RAB8B: variants seen among roughly 807,000 people sequenced by gnomAD.
RAB8B encodes the protein ras-related protein Rab-8B.
In RAB8B, 11 loss-of-function variants were observed where a neutral mutation model predicts 32.0. The observed-to-expected ratio is 0.34, with a 90% CI of 0.22 to 0.57. RAB8B has a LOEUF of 0.57. RAB8B is among the 20% of genes least tolerant of loss of function. The pLI, the probability that RAB8B is intolerant of heterozygous loss-of-function variation, is 0.86. For missense variants in RAB8B, 190 were observed against 258.5 expected, an observed-to-expected ratio of 0.73 and a Z score of 1.82; for synonymous variants, 103 against 89.6, an observed-to-expected ratio of 1.15 and a Z score of -0.85.
At chr15:63,204,299 C>T (rs376614113) in intron 1 of RAB8B, among the ~76,000 whole-genome samples, 6 of 152,110 alleles carry the variant, frequency 3.9e-5, no homozygotes, top group East Asian at 1.9e-4. Flanking sequence ...GGTGATTATC[C>T]CCTACATCAG....
chr15:63,210,790 T>C (rs142236405), intron 1 of RAB8B, among the ~76,000 whole-genome samples: 2 of 152,316 alleles, frequency 1.3e-5, no homozygotes, highest in African/African-American at 2.4e-5. Flanking sequence ...GCCTTTTTTT[T>C]ACTAGGCTGT....
At chr15:63,196,543 A>G (rs1351477317) in intron 1 of RAB8B, among the ~76,000 whole-genome samples, 1 of 152,202 alleles carries the variant, frequency 6.6e-6, no homozygotes, top group African/African-American at 2.4e-5. Context: ...TGAGCTCCTT[A>G]AGGCAAAAAT....
intron 5 of RAB8B, among the ~76,000 whole-genome samples, chr15:63,256,836 C>CA (rs1385141704): frequency 6.6e-6 from 1 of 152,194 alleles, no homozygotes; most frequent in African/African-American, 2.4e-5. Flanking sequence ...CTGGGAGATA[C>CA]AAATTGGTCC....
At chr15:63,247,979 T>C (rs2038084607) in intron 2 of RAB8B, among the ~76,000 whole-genome samples, 1 of 152,216 alleles carries the variant, frequency 6.6e-6, no homozygotes, top group South Asian at 2.1e-4. Context: ...ATGCCAAATA[T>C]TTTACAGATT....
At chr15:63,227,202 A>G (rs1282726827) in intron 1 of RAB8B, among the ~76,000 whole-genome samples, 2 of 152,108 alleles carry the variant, frequency 1.3e-5, no homozygotes, top group African/African-American at 4.8e-5. Context: ...GCCTTATTTT[A>G]CCCAGCTCCT....
intron 1 of RAB8B, 32 bp downstream of exon 1, chr15:63,189,780 A>G (rs1198102039): frequency 6.7e-6 from 5 of 743,682 alleles, no homozygotes; most frequent in South Asian, 5.8e-5. Flanking sequence ...GGGACCGGGT[A>G]GAGAATTGGG....
chr15:63,229,047 G>A (rs888597208), intron 1 of RAB8B, among the ~76,000 whole-genome samples: 2 of 152,062 alleles, frequency 1.3e-5, no homozygotes, highest in South Asian at 2.1e-4. Context: ...ATTTTGCCAC[G>A]TTTATAACAT....
At chr15:63,253,987 A>G (rs903055319) in intron 3 of RAB8B, among the ~76,000 whole-genome samples, 5 of 152,186 alleles carry the variant, frequency 3.3e-5, no homozygotes, top group East Asian at 1.9e-4. Context: ...GGGGATATCT[A>G]TTGGCCAATG....
intron 5 of RAB8B, among the ~76,000 whole-genome samples, chr15:63,258,246 C>T (rs534874564): frequency 2.6e-5 from 4 of 151,990 alleles, no homozygotes; most frequent in African/African-American, 7.2e-5. Context: ...GGATTATAGA[C>T]GTCTGCCACC....
chr15:63,237,703 T>C (rs1361838191), intron 1 of RAB8B, among the ~76,000 whole-genome samples: 1 of 152,162 alleles, frequency 6.6e-6, no homozygotes, highest in Non-Finnish European at 1.5e-5. Context: ...CTTTGCTCAT[T>C]GTTTCCTTTG....
intron 2 of RAB8B, 93 bp downstream of exon 2, chr15:63,244,909 T>C (rs2038059431): frequency 9.5e-7 from 1 of 1,051,352 alleles, no homozygotes; most frequent in African/African-American, 1.6e-5. Flanking sequence ...CATCTTGTGA[T>C]AGCTAAAACA....
At chr15:63,200,577 C>G (rs71393136) in intron 1 of RAB8B, among the ~76,000 whole-genome samples, 9,641 of 149,818 alleles carry the variant, frequency 0.064, 430 homozygotes, top group Middle Eastern at 0.14. Context: ...CCCTTGTACC[C>G]AGGAGTTCAA....
intron 2 of RAB8B, 92 bp downstream of exon 2, chr15:63,244,908 A>G: frequency 9.3e-7 from 1 of 1,079,538 alleles, no homozygotes; most frequent in Non-Finnish European, 1.4e-6. Context: ...GCATCTTGTG[A>G]TAGCTAAAAC....
chr15:63,197,682 C>A (rs917501142), intron 1 of RAB8B, among the ~76,000 whole-genome samples: 13 of 152,030 alleles, frequency 8.6e-5, no homozygotes, highest in African/African-American at 2.7e-4. Flanking sequence ...AAATGGCTTT[C>A]TTTAAAGACC....
At position 63,265,055 on chromosome 15, in the gene RAB8B, G is replaced by A. The variant is rs1037423920; in HGVS notation, c.*1436G>A. The A allele has an allele frequency of 1.3e-5, 2 of 152,604 alleles. No individual in the cohort carries two copies. The highest frequency in any genetic ancestry group is 1.5e-5 in the Non-Finnish European group (1 of 68,028). 9.5% of individuals were successfully genotyped at this position (152,604 alleles called of 1,614,324 possible). ...TATGTCGTTGTTGCTCTAGCCTTCA[G>A]TGTCATAACACAGGGGGGATAAAAC... On this transcript the variant is annotated 3_prime_UTR_variant, in exon 8 of 8. Transcript: ENST00000321437. The surrounding 1 kb of genome is among the most constrained non-coding windows in gnomAD (Gnocchi z 4.9).
intron 1 of RAB8B, among the ~76,000 whole-genome samples, chr15:63,194,659 C>T (rs1404673229): frequency 6.6e-6 from 1 of 152,184 alleles, no homozygotes; most frequent in African/African-American, 2.4e-5. Flanking sequence ...AGCTTAGTCT[C>T]ATCAGAGTAC....
At chr15:63,205,655 G>A (rs952802292) in intron 1 of RAB8B, among the ~76,000 whole-genome samples, 16 of 152,268 alleles carry the variant, frequency 1.1e-4, no homozygotes, top group South Asian at 6.2e-4. Flanking sequence ...CTCTGAAAAC[G>A]TGTCAGGTTC....
chr15:63,238,494 T>C (rs920830964), intron 1 of RAB8B, among the ~76,000 whole-genome samples: 5 of 152,182 alleles, frequency 3.3e-5, no homozygotes, highest in African/African-American at 1.2e-4. Flanking sequence ...TACATGAAAT[T>C]GCCTTCAGAG....
chr15:63,208,065 G>A (rs1056580266), intron 1 of RAB8B, among the ~76,000 whole-genome samples: 4 of 152,134 alleles, frequency 2.6e-5, no homozygotes, highest in African/African-American at 9.7e-5. Flanking sequence ...TTAGAGCATA[G>A]CTCTGATTAT....
Sources: allele counts gnomAD v4.1 joint callset (sites outside exome capture counted in the v4.1 genomes callset), GRCh38; gene constraint gnomAD v4.1.1; non-coding constraint Gnocchi (gnomAD v3.1); transcripts MANE v1.5; gene names NCBI Gene and HGNC (gene_info 2026-07-23, HGNC 2026-07-21).